TMEM135: variants seen among roughly 807,000 people sequenced by gnomAD.
TMEM135 encodes peroxisomal membrane protein 52.
In TMEM135, 30 loss-of-function variants were observed where a neutral mutation model predicts 60.3. The ratio of observed to expected loss-of-function variants is 0.50; its 90% CI spans 0.37 to 0.68. The LOEUF (loss-of-function observed/expected upper bound fraction) is 0.68. Among genes scored for constraint, TMEM135 ranks in the 30% least tolerant of loss-of-function variants. The probability of loss-of-function intolerance (pLI) is 0.00; values close to 1 mark genes in which losing one functional copy is unlikely to be tolerated. For missense variants in TMEM135, 468 were observed against 548.8 expected (o/e 0.85, Z 1.47); for synonymous variants, 190 against 186.7 (o/e 1.02, Z -0.14).
intron 5 of TMEM135, among the ~76,000 whole-genome samples, chr11:87,187,430 CACTA>C (rs1939679727): frequency 6.6e-6 from 1 of 152,156 alleles, no homozygotes; most frequent in Non-Finnish European, 1.5e-5. Context: ...TGAGTTGGAA[CACTA>C]ACTGCCAAAT....
At chr11:87,238,344 A>G (rs1565497207) in intron 6 of TMEM135, among the ~76,000 whole-genome samples, 2 of 152,064 alleles carry the variant, frequency 1.3e-5, no homozygotes, top group Non-Finnish European at 2.9e-5. Context: ...CAAATAAAAA[A>G]TGATGATGTT....
In TMEM135 at chr11:87,199,324, A is replaced by G. The variant is rs560177687; in HGVS notation, c.463-37314A>G. On this transcript the variant is annotated intron_variant, in intron 5 of 14. Transcript: ENST00000305494. The stretch of plus-strand genomic sequence containing the variant: ...GTTAAGAGGATGGAAACCTCCTTGT[A>G]TTGACCTCTCCAAGACGGTGCGTTC... 2.0e-5 allele frequency among the ~76,000 whole-genome samples: 3 copies of G among 152,330 alleles called. No homozygotes were observed. The East Asian group carries it at 5.8e-4, about 29-fold the overall frequency.
intron 5 of TMEM135, among the ~76,000 whole-genome samples, chr11:87,186,113 G>T (rs1939646842): frequency 6.6e-6 from 1 of 152,068 alleles, no homozygotes; most frequent in African/African-American, 2.4e-5. Context: ...CACCATGTTG[G>T]CCAGGATGGT....
chr11:87,071,483 A>G (rs755922508), intron 2 of TMEM135, 40 bp from the exon 3 acceptor site: 1 of 1,506,438 alleles, frequency 6.6e-7, no homozygotes, highest in Admixed American at 1.7e-5. Flanking sequence ...GAAGTGACCA[A>G]CTAGGAATTT....
At chr11:87,054,340 C>G (rs1949871501) in intron 1 of TMEM135, among the ~76,000 whole-genome samples, 1 of 152,018 alleles carries the variant, frequency 6.6e-6, no homozygotes, top group Admixed American at 6.6e-5. Flanking sequence ...GAGGCTGAGG[C>G]AAGAGAATCA....
chr11:87,166,049 G>T (rs1346397103), intron 5 of TMEM135, among the ~76,000 whole-genome samples: 1 of 151,280 alleles, frequency 6.6e-6, no homozygotes, highest in African/African-American at 2.5e-5. Context: ...GGAAGAAGTT[G>T]AATCTCTGAA....
In TMEM135 at chr11:87,046,287, C is replaced by T. The variant is rs188237952; in HGVS notation, c.141+8101C>T. ...AGCGTGGTGGTGGGCATCTGTAATC[C>T]CAGCTACTTGGGAGACTGAGGCAGG... is the stretch of plus-strand genomic sequence containing the variant. On this transcript the variant is annotated intron_variant, in intron 1 of 14. Coordinates refer to ENST00000305494, the MANE Select transcript of TMEM135 (RefSeq NM_022918.4). Among the ~76,000 whole-genome samples the T allele has an allele frequency of 2.3e-3, 352 of 152,230 alleles. 1 individual carries two copies. Among genetic ancestry groups the T allele is most frequent in the Non-Finnish European group, 2.9e-3 (197 of 68,020 alleles).
chr11:87,090,326 ACTTTAG>A (rs1857180544), intron 3 of TMEM135, among the ~76,000 whole-genome samples: 1 of 152,158 alleles, frequency 6.6e-6, no homozygotes, highest in South Asian at 2.1e-4. Flanking sequence ...ACCTAACTTT[ACTTTAG>A]TACTGTTCAG....
chr11:87,170,535 A>T (rs1939205622), intron 5 of TMEM135, among the ~76,000 whole-genome samples: 1 of 152,180 alleles, frequency 6.6e-6, no homozygotes, highest in Admixed American at 6.5e-5. Flanking sequence ...TCTTTCTAAC[A>T]GTCAGGCCCC....
intron 12 of TMEM135, among the ~76,000 whole-genome samples, chr11:87,315,190 T>C (rs1168811456): frequency 2.6e-5 from 4 of 151,688 alleles, no homozygotes; most frequent in Non-Finnish European, 4.4e-5. Context: ...TCCTCCTCCT[T>C]CTTCCTTGAC....
At chr11:87,131,156 C>G (rs1386269031) in intron 4 of TMEM135, among the ~76,000 whole-genome samples, 1 of 152,062 alleles carries the variant, frequency 6.6e-6, no homozygotes. Context: ...TTTTTAAAAT[C>G]TTGCATTAAT....
intron 6 of TMEM135, among the ~76,000 whole-genome samples, chr11:87,237,979 T>G (rs1306841940): frequency 3.3e-5 from 5 of 152,018 alleles, no homozygotes; most frequent in South Asian, 2.1e-4. Context: ...CCATCTGTGT[T>G]GCAAATGACA....
intron 3 of TMEM135, among the ~76,000 whole-genome samples, chr11:87,072,521 C>T (rs1856790911): frequency 6.6e-6 from 1 of 152,070 alleles, no homozygotes; most frequent in African/African-American, 2.4e-5. Flanking sequence ...GCTGGGATTA[C>T]AGGCGCATGC....
chr11:87,080,385 A>G (rs922112374), intron 3 of TMEM135, among the ~76,000 whole-genome samples: 6 of 152,104 alleles, frequency 3.9e-5, no homozygotes, highest in African/African-American at 7.2e-5. Flanking sequence ...AGGCATTGCT[A>G]CATCTCCCCA....
chr11:87,264,186 A>G (rs1941705352), intron 6 of TMEM135, among the ~76,000 whole-genome samples: 9 of 151,946 alleles, frequency 5.9e-5, no homozygotes, highest in Admixed American at 5.9e-4. Flanking sequence ...GTTTTAAACT[A>G]GAAAAGAGGA....
intron 4 of TMEM135, among the ~76,000 whole-genome samples, chr11:87,110,798 A>C (rs543933671): frequency 5.9e-5 from 9 of 152,138 alleles, no homozygotes. Context: ...GTGATGAATA[A>C]ATGAATAATT....
chr11:87,170,838 C>G (rs1591075073), intron 5 of TMEM135, among the ~76,000 whole-genome samples: 1 of 152,152 alleles, frequency 6.6e-6, no homozygotes, highest in East Asian at 1.9e-4. Context: ...ATCCACTGCT[C>G]TCTTCAGAGC....
intron 3 of TMEM135, among the ~76,000 whole-genome samples, chr11:87,088,881 A>G (rs1264563984): frequency 6.6e-6 from 1 of 152,230 alleles, no homozygotes; most frequent in Non-Finnish European, 1.5e-5. Flanking sequence ...GTGGTTTACA[A>G]TAACAACATA....
At chr11:87,276,693 G>C (rs1941973582) in intron 6 of TMEM135, among the ~76,000 whole-genome samples, 1 of 131,536 alleles carries the variant, frequency 7.6e-6, no homozygotes, top group African/African-American at 2.9e-5. Context: ...TTTTGAGATG[G>C]AGTCTAGCTT....
Sources: gnomAD v4.1 joint callset for allele counts (sites outside exome capture counted in the v4.1 genomes callset) on GRCh38, gnomAD v4.1.1 for gene constraint, MANE v1.5 for transcripts, NCBI Gene and HGNC (gene_info 2026-07-23, HGNC 2026-07-21) for gene names.